Variants in AHI1 observed in about 807,000 individuals in gnomAD.
AHI1 encodes jouberin.
AHI1 carries 123 observed loss-of-function variants against 149.3 expected under a neutral mutation model. The ratio of observed to expected loss-of-function variants is 0.82; its 90% confidence interval spans 0.71 to 0.96. The LOEUF is 0.96. Ranked by LOEUF, AHI1 falls within the 40% of genes least tolerant of loss-of-function variation. The probability of loss-of-function intolerance (pLI) is 0.00; values close to 1 mark genes in which losing one functional copy is unlikely to be tolerated. For synonymous variants in AHI1, 475 were observed against 459.8 expected, an observed-to-expected ratio of 1.03 and a Z score of -0.42; for missense variants, 1,439 against 1,422.7, an observed-to-expected ratio of 1.01 and a Z score of -0.18.
At chr6:135,398,058 G>GTTTTTTTTTTTTTTTTT in intron 22 of AHI1, among the ~76,000 whole-genome samples, 1 of 88,428 alleles carries the variant, frequency 1.1e-5, no homozygotes, top group South Asian at 4.3e-4. Context: ...TACCCAGGAT[G>GTTTTTTTTTTTTTTTTT]TTTTTTTTTT....
intron 18 of AHI1, 148 bp from the exon 19 acceptor site, chr6:135,428,907 G>C (rs930064771): frequency 4.4e-6 from 3 of 688,702 alleles, no homozygotes; most frequent in Non-Finnish European, 4.6e-6. Context: ...TAATATAATG[G>C]ATGCAGAATA....
chr6:135,448,197 G>A (rs1220416911), intron 12 of AHI1, 93 bp downstream of exon 12: 2 of 819,986 alleles, frequency 2.4e-6, no homozygotes, highest in Admixed American at 7.5e-5. Context: ...ATTATTATTA[G>A]AGGCCTTATC....
At chr6:135,294,698 C>CAAAAAAAAAAAAAAAAAAA (rs56734547) in intron 27 of AHI1, among the ~76,000 whole-genome samples, 4 of 68,012 alleles carry the variant, frequency 5.9e-5, no homozygotes, top group Middle Eastern at 0.012. Flanking sequence ...TCTCCAAATG[C>CAAAAAAAAAAAAAAAAAAA]AAAAAAAAAA....
chr6:135,487,518 T>A (rs1794652834), intron 5 of AHI1, among the ~76,000 whole-genome samples: 1 of 152,186 alleles, frequency 6.6e-6, no homozygotes, highest in African/African-American at 2.4e-5. Flanking sequence ...TATTTTTGGA[T>A]CATAAATTTC....
intron 23 of AHI1, among the ~76,000 whole-genome samples, chr6:135,375,499 T>C (rs1036631550): frequency 6.6e-6 from 1 of 152,210 alleles, no homozygotes; most frequent in Non-Finnish European, 1.5e-5. Context: ...ATACATGGTG[T>C]TGGGACAATA....
In AHI1 at chr6:135,408,122, G is replaced by A. The variant is rs564236644; in HGVS notation, c.2962-3145C>T. ...TCCTTTCATTTATCTGAGGATGACA[G>A]GTATATAAAATGAAATTAGAAAAAA... On this transcript the variant is annotated intron_variant, in intron 21 of 28. Transcript: ENST00000265602. Among the ~76,000 whole-genome samples, 4 of 152,092 alleles carry A rather than the reference G, an allele frequency of 2.6e-5. No individual in the cohort carries two copies. In the South Asian group the frequency reaches 6.2e-4, roughly 24 times the overall value.
chr6:135,318,163 T>C (rs537543026), intron 26 of AHI1, among the ~76,000 whole-genome samples: 29 of 152,360 alleles, frequency 1.9e-4, no homozygotes, highest in African/African-American at 6.7e-4. Context: ...CAGTGAGCTC[T>C]AGCATAAATG....
intron 26 of AHI1, among the ~76,000 whole-genome samples, chr6:135,306,366 T>A (rs1271722632): frequency 6.6e-6 from 1 of 152,000 alleles, no homozygotes; most frequent in Non-Finnish European, 1.5e-5. Context: ...ATTACAGAAA[T>A]ATAGAGAAAG....
chr6:135,477,458 A>G (rs1362571465), intron 5 of AHI1, among the ~76,000 whole-genome samples: 1 of 152,146 alleles, frequency 6.6e-6, no homozygotes, highest in Non-Finnish European at 1.5e-5. Context: ...TTTATAATAC[A>G]CATATTTAGC....
intron 16 of AHI1, among the ~76,000 whole-genome samples, chr6:135,432,284 T>G (rs1262858456): frequency 6.6e-6 from 1 of 152,210 alleles, no homozygotes; most frequent in African/African-American, 2.4e-5. Context: ...GACTATTTAA[T>G]AGATACAATA....
intron 28 of AHI1, chr6:135,286,609 G>A (rs1169953866): frequency 1.3e-5 from 2 of 152,208 alleles, no homozygotes; most frequent in African/African-American, 2.4e-5. Context: ...GGGCACAGGA[G>A]GTGTAGGGGA....
rs553894171 is a variant in AHI1 at position 135,430,008 on chromosome 6, G to A, written c.2374-8C>T. ...CTCAGTTTCTTTAATTTCCTAAAAT[G>A]ATTAAAAAAAATACTACTACTGAAA... On this transcript the variant is annotated splice_polypyrimidine_tract_variant and splice_region_variant and intron_variant, in intron 17 of 28. Transcript: ENST00000265602. 219 of 1,448,582 alleles carry A rather than the reference G, an allele frequency of 1.5e-4. No individual in the cohort carries two copies. Among genetic ancestry groups the A allele is most frequent in the Non-Finnish European group, 1.9e-4 (202 of 1,065,488 alleles). 89.7% of individuals were successfully genotyped at this position (1,448,582 alleles called of 1,614,324 possible). A position where few individuals can be genotyped will look rare whatever the true frequency, so the allele number is the denominator to read the frequency against.
intron 20 of AHI1, among the ~76,000 whole-genome samples, chr6:135,420,851 T>C (rs1783047831): frequency 6.6e-6 from 1 of 152,222 alleles, no homozygotes; most frequent in Non-Finnish European, 1.5e-5. Flanking sequence ...TGGCTAACTA[T>C]ACGGCACAAA....
intron 26 of AHI1, among the ~76,000 whole-genome samples, chr6:135,306,520 TAG>T (rs2128359806): frequency 6.6e-6 from 1 of 152,046 alleles, no homozygotes; most frequent in Non-Finnish European, 1.5e-5. Flanking sequence ...GAGAATGGGG[TAG>T]AGTCAGTAGG....
chr6:135,417,189 G>A (rs1478774290), intron 20 of AHI1, among the ~76,000 whole-genome samples: 1 of 151,886 alleles, frequency 6.6e-6, no homozygotes, highest in East Asian at 1.9e-4. Context: ...TTTTAAAATT[G>A]TCCCTTCAAC....
intron 23 of AHI1, among the ~76,000 whole-genome samples, chr6:135,371,597 T>C (rs893895769): frequency 6.6e-6 from 1 of 152,246 alleles, no homozygotes; most frequent in Non-Finnish European, 1.5e-5. Flanking sequence ...TAGCTCATCT[T>C]TACCTTCACA....
At chr6:135,453,495 A>C in intron 10 of AHI1, 59 bp from the exon 11 acceptor site, 7 of 1,235,476 alleles carry the variant, frequency 5.7e-6, no homozygotes, top group Non-Finnish European at 8.0e-6. Flanking sequence ...CTAATGGTAC[A>C]TTATTAAAAC....
chr6:135,397,456 A>G (rs772170730), intron 22 of AHI1, among the ~76,000 whole-genome samples: 1 of 152,042 alleles, frequency 6.6e-6, no homozygotes, highest in Non-Finnish European at 1.5e-5. Flanking sequence ...TGCCAAAGTC[A>G]GTTTAATACC....
intron 5 of AHI1, among the ~76,000 whole-genome samples, chr6:135,488,811 A>G (rs549741894): frequency 2.6e-5 from 4 of 152,134 alleles, no homozygotes; most frequent in Non-Finnish European, 5.9e-5. Flanking sequence ...AAGAAGTCCT[A>G]TCTTTTCAAA....
Sources: allele counts gnomAD v4.1 joint callset (sites outside exome capture counted in the v4.1 genomes callset), GRCh38; gene constraint gnomAD v4.1.1; transcripts MANE v1.5; gene names NCBI Gene and HGNC (gene_info 2026-07-23, HGNC 2026-07-21).